SLC36A3: variants seen among roughly 807,000 people sequenced by gnomAD.
SLC36A3 encodes proton-coupled amino acid transporter 3.
SLC36A3 carries 35 observed loss-of-function variants against 44.3 expected under a neutral mutation model. The observed-to-expected ratio is 0.79, with a 90% CI of 0.60 to 1.05. The LOEUF (loss-of-function observed/expected upper bound fraction) is 1.05. Ranked by LOEUF, SLC36A3 falls within the 50% of genes least tolerant of loss-of-function variation. SLC36A3 has a pLI of 0.00. For missense variants in SLC36A3, 540 were observed against 578.7 expected (o/e 0.93, Z 0.69); for synonymous variants, 211 against 227.6 (o/e 0.93, Z 0.66).
intron 6 of SLC36A3, 98 bp from the exon 7 acceptor site, chr5:151,284,809 A>G: frequency 1.4e-6 from 1 of 709,916 alleles, no homozygotes; most frequent in Non-Finnish European, 2.3e-6. Context: ...TGATCTCAAC[A>G]GAGAAAATCA....
At chr5:151,292,091 C>T (rs1754778208) in intron 4 of SLC36A3, among the ~76,000 whole-genome samples, 1 of 152,050 alleles carries the variant, frequency 6.6e-6, no homozygotes, top group African/African-American at 2.4e-5. Context: ...AAACTCCTGA[C>T]CTCAGGTGAT....
rs376221705 is a variant in SLC36A3 at position 151,284,593 on chromosome 5, G to A, written c.807+20C>T. On this transcript the variant is annotated intron_variant, in intron 7 of 9. Transcript: ENST00000335230. ...GTAGAGGGCGCTAGGGACCATTCGC[G>A]TGAACCCCATCAATCTTACCATACC... 1.6e-5 allele frequency: 25 copies of A among 1,586,770 alleles called. No homozygotes were observed. The highest frequency in any genetic ancestry group is 2.2e-5 in the South Asian group (2 of 89,034).
At chr5:151,295,430 GCT>G (rs1335478768) in intron 3 of SLC36A3, among the ~76,000 whole-genome samples, 1 of 152,194 alleles carries the variant, frequency 6.6e-6, no homozygotes, top group African/African-American at 2.4e-5. Flanking sequence ...GCAGGAAAGT[GCT>G]CTGAGAGTTA....
Position 151,289,592 on chromosome 5 carries a change from A to ATTATT in SLC36A3, c.405-1127_405-1123dup, listed in dbSNP as rs766969863. Among the ~76,000 whole-genome samples, 15 of 152,226 alleles carry ATTATT rather than the reference A, an allele frequency of 9.9e-5. No homozygotes were observed. The East Asian group carries it at 1.3e-3, about 14-fold the overall frequency. On this transcript the variant is annotated intron_variant, in intron 4 of 9. Coordinates refer to ENST00000335230, the MANE Select transcript of SLC36A3 (RefSeq NM_181774.4). Reference sequence around the variant, plus strand: ...ATTATCTGTTAGAGCTACACACTGAATTATTTTATTTTATTTTATTTTTTG... The same window carrying ATTATT: ...ATTATCTGTTAGAGCTACACACTGAATTATTTTATTTTATTTTATTTTATTTTTTG...
In SLC36A3 at chr5:151,299,604, AG is replaced by A. The variant is rs373174924; in HGVS notation, c.129-922del. Reference sequence around the variant, plus strand: ...TGGATTGGGTGGGAAAGGTGGGAACAGGATCATGAGAACAGAATCAAAAAGG... The same window carrying A: ...TGGATTGGGTGGGAAAGGTGGGAACAGATCATGAGAACAGAATCAAAAAGG... On this transcript the variant is annotated intron_variant, in intron 1 of 9. Coordinates refer to ENST00000335230, the MANE Select transcript of SLC36A3 (RefSeq NM_181774.4). Among the ~76,000 whole-genome samples, 404 of 152,190 alleles carry A rather than the reference AG, an allele frequency of 2.7e-3. 1 individual carries two copies. Among genetic ancestry groups the A allele is most frequent in the Non-Finnish European group, 3.9e-3 (267 of 68,000 alleles).
At chr5:151,281,771 TTGCACCAC>T (rs150322338) in intron 8 of SLC36A3, among the ~76,000 whole-genome samples, 24,147 of 152,040 alleles carry the variant, frequency 0.16, 2,462 homozygotes, top group East Asian at 0.29. Context: ...TGAGCCGAAA[TTGCACCAC>T]TGCACTCACT....
At chr5:151,294,238 A>C (rs1208908503) in intron 3 of SLC36A3, among the ~76,000 whole-genome samples, 1 of 152,250 alleles carries the variant, frequency 6.6e-6, no homozygotes, top group Non-Finnish European at 1.5e-5. Context: ...AGAGACAGTG[A>C]GAGACGGATA....
Position 151,281,197 on chromosome 5 carries a change from A to G in SLC36A3, c.975-14T>C. ...GACTGGTACAACCTGCAGACACATGAATTGGATGTGAAAGGTGATGTGGCT... is the reference window on the plus strand; with the variant it reads ...GACTGGTACAACCTGCAGACACATGGATTGGATGTGAAAGGTGATGTGGCT... On this transcript the variant is annotated splice_polypyrimidine_tract_variant and intron_variant, in intron 8 of 9. Coordinates refer to ENST00000335230, the MANE Select transcript of SLC36A3 (RefSeq NM_181774.4). The G allele has an allele frequency of 6.3e-7, 1 of 1,596,228 alleles. No individual in the cohort carries two copies. The highest frequency in any genetic ancestry group is 1.1e-5 in the South Asian group (1 of 87,788).
In SLC36A3 at chr5:151,296,244, T is replaced by A. The variant is rs770337831; in HGVS notation, c.244A>T (p.Ile82Phe). Residue 82 changes from isoleucine to phenylalanine, a missense_variant, in exon 3 of 10, where the codon ATC becomes TTC. By Grantham distance (21) the Ile-to-Phe change is conservative. Coordinates refer to ENST00000335230, the MANE Select transcript of SLC36A3 (RefSeq NM_181774.4). ...ATGCAGTGCACGGTGAGGACCCCGATGGCCAGAAGGCTGACAGGACCGACC... is the reference window on the plus strand; with the variant it reads ...ATGCAGTGCACGGTGAGGACCCCGAAGGCCAGAAGGCTGACAGGACCGACC... The part of the protein sequence containing the change: ...LLVGPVSLLA[I>F]GVLTVHCMVI... The A allele has an allele frequency of 1.7e-5, 27 of 1,614,108 alleles. No homozygotes were observed. Among genetic ancestry groups the A allele is most frequent in the South Asian group, 8.8e-5 (8 of 91,074 alleles).
At chr5:151,286,738 T>G (rs1345239478) in intron 6 of SLC36A3, among the ~76,000 whole-genome samples, 2 of 152,228 alleles carry the variant, frequency 1.3e-5, no homozygotes, top group African/African-American at 4.8e-5. Flanking sequence ...CAGCTTTACT[T>G]CCAAAATAGT....
At chr5:151,296,483 T>G in intron 2 of SLC36A3, 1 of 594,218 alleles carries the variant, frequency 1.7e-6, no homozygotes, top group Non-Finnish European at 3.0e-6. Flanking sequence ...CTAGGATACT[T>G]CCAGTGACAG....
intron 9 of SLC36A3, among the ~76,000 whole-genome samples, chr5:151,280,009 G>C (rs2127252631): frequency 1.3e-5 from 2 of 152,274 alleles, no homozygotes; most frequent in South Asian, 4.2e-4. Flanking sequence ...CATCGTTTGT[G>C]ATCCTCCGTC....
At chr5:151,287,143 G>T in intron 6 of SLC36A3, 103 bp downstream of exon 6, 1 of 1,173,202 alleles carries the variant, frequency 8.5e-7, no homozygotes, top group East Asian at 2.5e-5. Flanking sequence ...CAGAGCAGAG[G>T]ATCACCTTCC....
In SLC36A3 at chr5:151,284,032, G is replaced by T; in HGVS notation, c.974+12C>A. 2 of 1,606,448 alleles carry T rather than the reference G, an allele frequency of 1.2e-6. No homozygotes were observed. Among genetic ancestry groups the T allele is most frequent in the Non-Finnish European group, 1.7e-6 (2 of 1,176,756 alleles). ...GTCTCTCCCTATCTCACCTGAGGTG[G>T]GCAGGACATACCAGCAATTGGGCAA... is the stretch of plus-strand genomic sequence containing the variant. On this transcript the variant is annotated intron_variant, in intron 8 of 9. Transcript: ENST00000335230.
At chr5:151,289,293 T>C (rs6877924) in intron 4 of SLC36A3, among the ~76,000 whole-genome samples, 23,372 of 151,950 alleles carry the variant, frequency 0.15, 2,312 homozygotes, top group African/African-American at 0.28. Context: ...TAAAAATGAG[T>C]TAGTATTATC....
intron 9 of SLC36A3, among the ~76,000 whole-genome samples, chr5:151,279,487 GATGGATGAATA>G (rs1214832757): frequency 6.6e-6 from 1 of 152,160 alleles, no homozygotes; most frequent in Non-Finnish European, 1.5e-5. Flanking sequence ...TAATAGAATT[GATGGATGAATA>G]ATGGATGAAG....
intron 9 of SLC36A3, among the ~76,000 whole-genome samples, chr5:151,278,920 C>T (rs1029054160): frequency 4.6e-5 from 7 of 152,238 alleles, no homozygotes; most frequent in Middle Eastern, 3.2e-3. Context: ...AAAGGCCTTA[C>T]GCTCCATTCT....
intron 8 of SLC36A3, among the ~76,000 whole-genome samples, chr5:151,283,731 G>A (rs957491103): frequency 2.0e-5 from 3 of 152,214 alleles, no homozygotes; most frequent in African/African-American, 7.2e-5. Context: ...CACGTGCTAA[G>A]CACTTTTCTA....
intron 4 of SLC36A3, among the ~76,000 whole-genome samples, chr5:151,289,425 G>A (rs1230081040): frequency 1.3e-5 from 2 of 151,900 alleles, no homozygotes; most frequent in African/African-American, 2.4e-5. Context: ...GAGCCCAGGA[G>A]GTTGAGGCTG....
Sources: allele counts gnomAD v4.1 joint callset (sites outside exome capture counted in the v4.1 genomes callset), GRCh38; gene constraint gnomAD v4.1.1; transcripts MANE v1.5; gene names NCBI Gene and HGNC (gene_info 2026-07-23, HGNC 2026-07-21).